The following SNTG2 variants were observed in gnomAD, a reference collection of about 807,000 sequenced individuals.
The protein encoded by SNTG2 is gamma-2-syntrophin.
In SNTG2, 74 loss-of-function variants were observed where a neutral mutation model predicts 70.9. That is an observed-to-expected ratio of 1.04 (90% CI 0.86 to 1.27). The LOEUF (loss-of-function observed/expected upper bound fraction) is 1.27, where lower values mean the gene tolerates loss of function less well. Among genes scored for constraint, SNTG2 ranks in the 50% most tolerant of loss-of-function variants. The pLI is 0.00. For missense variants in SNTG2, 717 were observed against 690.7 expected (o/e 1.04, Z -0.43); for synonymous variants, 278 against 273.8 (o/e 1.02, Z -0.15).
chr2:1,149,189 G>A (rs1441547346), intron 6 of SNTG2, among the ~76,000 whole-genome samples: 4 of 75,824 alleles, frequency 5.3e-5, no homozygotes, highest in East Asian at 4.8e-4. Flanking sequence ...TCTTCTTGTC[G>A]GACGTGTGTG....
At chr2:1,241,275 AG>A (rs1677028718) in intron 11 of SNTG2, among the ~76,000 whole-genome samples, 1 of 152,140 alleles carries the variant, frequency 6.6e-6, no homozygotes, top group African/African-American at 2.4e-5. Context: ...CGACCCTCAG[AG>A]GGGTTGTCAC....
chr2:1,147,006 A>T (rs946762861), intron 6 of SNTG2, among the ~76,000 whole-genome samples: 4 of 152,214 alleles, frequency 2.6e-5, no homozygotes, highest in Non-Finnish European at 4.4e-5. Context: ...TTTCTCCTTT[A>T]TCATGTGACA....
At chr2:1,046,842 T>C (rs1056190750) in intron 1 of SNTG2, among the ~76,000 whole-genome samples, 6 of 152,148 alleles carry the variant, frequency 3.9e-5, no homozygotes, top group Admixed American at 6.5e-5. Flanking sequence ...TCTTGGAAGC[T>C]GGTGATCTTT....
chr2:1,053,935 C>T (rs1416232113), intron 1 of SNTG2, among the ~76,000 whole-genome samples: 2 of 151,570 alleles, frequency 1.3e-5, no homozygotes, highest in Non-Finnish European at 2.9e-5. Flanking sequence ...CCCTCCCGCC[C>T]CCCTCTTGCT....
intron 1 of SNTG2, among the ~76,000 whole-genome samples, chr2:1,071,457 C>G (rs1272955489): frequency 7.3e-6 from 1 of 137,006 alleles, no homozygotes; most frequent in East Asian, 2.2e-4. Context: ...ACAATGAGAT[C>G]ACATGGACAC....
intron 1 of SNTG2, among the ~76,000 whole-genome samples, chr2:1,028,058 G>A (rs72490785): frequency 0.095 from 14,258 of 149,828 alleles, 748 homozygotes; most frequent in Middle Eastern, 0.13. Flanking sequence ...GAGATAAGCA[G>A]GTGCATCATT....
intron 1 of SNTG2, among the ~76,000 whole-genome samples, chr2:954,672 G>T (rs538832766): frequency 1.3e-5 from 2 of 152,110 alleles, no homozygotes; most frequent in Non-Finnish European, 2.9e-5. Flanking sequence ...CCCCTATGTG[G>T]GTGTAATCCC....
At chr2:1,269,981 C>T (rs1026815039) in intron 14 of SNTG2, among the ~76,000 whole-genome samples, 7 of 152,042 alleles carry the variant, frequency 4.6e-5, no homozygotes, top group Non-Finnish European at 8.8e-5. Context: ...GCCATGCTGC[C>T]CATGACTGAC....
chr2:1,289,054 T>C (rs1484658086), intron 14 of SNTG2, among the ~76,000 whole-genome samples: 2 of 152,084 alleles, frequency 1.3e-5, no homozygotes, highest in Non-Finnish European at 2.9e-5. Flanking sequence ...TTTCTGATTT[T>C]CTCACGGCTG....
At chr2:1,078,060 T>G (rs995616829) in intron 1 of SNTG2, among the ~76,000 whole-genome samples, 2 of 152,220 alleles carry the variant, frequency 1.3e-5, no homozygotes, top group African/African-American at 4.8e-5. Context: ...ATTGTTAGAA[T>G]TGTAAGGCTA....
intron 12 of SNTG2, 142 bp downstream of exon 12, chr2:1,247,585 G>T: frequency 1.6e-6 from 1 of 612,386 alleles, no homozygotes. Flanking sequence ...TGGTTGGAAA[G>T]GATTCTGCTT....
chr2:1,123,269 G>GA (rs35572864), intron 4 of SNTG2, among the ~76,000 whole-genome samples: 2 of 150,850 alleles, frequency 1.3e-5, no homozygotes, highest in East Asian at 3.9e-4. Flanking sequence ...ACAGTTCTAA[G>GA]AAAAAAAAAG....
At chr2:1,205,168 C>T (rs754166875) in intron 8 of SNTG2, among the ~76,000 whole-genome samples, 13 of 152,028 alleles carry the variant, frequency 8.6e-5, no homozygotes, top group Non-Finnish European at 1.9e-4. Flanking sequence ...TACTTTGTGT[C>T]CATACATACA....
intron 15 of SNTG2, 147 bp from the exon 16 acceptor site, chr2:1,316,118 A>G (rs1302262228): frequency 3.5e-6 from 2 of 576,026 alleles, no homozygotes; most frequent in Non-Finnish European, 6.2e-6. Flanking sequence ...GAAAGTAGAG[A>G]CAGACAAATC....
At chr2:1,126,096 C>T (rs1002620886) in intron 4 of SNTG2, among the ~76,000 whole-genome samples, 3 of 152,138 alleles carry the variant, frequency 2.0e-5, no homozygotes, top group Admixed American at 6.6e-5. Flanking sequence ...AAGTATTCCT[C>T]CTATCTAGCT....
At chr2:1,231,448 T>C (rs1676239399) in intron 9 of SNTG2, among the ~76,000 whole-genome samples, 1 of 152,236 alleles carries the variant, frequency 6.6e-6, no homozygotes, top group Admixed American at 6.5e-5. Flanking sequence ...CTGCTGCCAC[T>C]ATCATATATG....
intron 8 of SNTG2, among the ~76,000 whole-genome samples, chr2:1,174,743 C>A (rs927668587): frequency 1.3e-5 from 2 of 152,164 alleles, no homozygotes; most frequent in African/African-American, 4.8e-5. Context: ...AAATGGTTCT[C>A]TCTCTGGGGC....
At chr2:1,229,592 G>A (rs1309661230) in intron 9 of SNTG2, among the ~76,000 whole-genome samples, 1 of 152,246 alleles carries the variant, frequency 6.6e-6, no homozygotes, top group East Asian at 1.9e-4. Flanking sequence ...CCCGCGCCGT[G>A]CGCTCGCATT....
At chr2:1,077,314 G>T (rs769638773) in intron 1 of SNTG2, among the ~76,000 whole-genome samples, 4 of 152,182 alleles carry the variant, frequency 2.6e-5, no homozygotes, top group Admixed American at 6.5e-5. Context: ...GTCCATGTCC[G>T]CACGTCTTTG....
Sources: gnomAD v4.1 joint callset for allele counts (sites outside exome capture counted in the v4.1 genomes callset) on GRCh38, gnomAD v4.1.1 for gene constraint, MANE v1.5 for transcripts, NCBI Gene and HGNC (gene_info 2026-07-23, HGNC 2026-07-21) for gene names.